OLFM3: variants seen among roughly 807,000 people sequenced by gnomAD.
OLFM3 encodes the protein noelin-3.
A neutral mutation model predicts 48.6 loss-of-function variants in OLFM3; 20 were observed. The ratio of observed to expected loss-of-function variants is 0.41; its 90% confidence interval spans 0.29 to 0.60. The LOEUF is 0.60. OLFM3 is among the 20% of genes least tolerant of loss of function. The probability of loss-of-function intolerance (pLI) is 0.28; values close to 1 mark genes in which losing one functional copy is unlikely to be tolerated. For synonymous variants in OLFM3, 222 were observed against 198.1 expected (o/e 1.12, Z -1.01); for missense variants, 437 against 544.3 (o/e 0.80, Z 1.96).
chr1:101,941,947 C>T (rs763224865), intron 1 of OLFM3, among the ~76,000 whole-genome samples: 16 of 152,302 alleles, frequency 1.1e-4, no homozygotes, highest in South Asian at 4.1e-4. Flanking sequence ...TATTCATCAT[C>T]TCATTTATTA....
chr1:101,819,916 C>T (rs1308932329), intron 4 of OLFM3, among the ~76,000 whole-genome samples: 1 of 151,976 alleles, frequency 6.6e-6, no homozygotes, highest in Non-Finnish European at 1.5e-5. Flanking sequence ...ATAGCACATG[C>T]AAAGCAGCTG....
chr1:101,879,463 T>G (rs1378110071), intron 1 of OLFM3, among the ~76,000 whole-genome samples: 1 of 151,884 alleles, frequency 6.6e-6, no homozygotes, highest in East Asian at 1.9e-4. Context: ...TCATTTCACC[T>G]TCCGTTTGTA....
At chr1:101,954,066 T>C (rs1660221172) in intron 1 of OLFM3, among the ~76,000 whole-genome samples, 1 of 152,134 alleles carries the variant, frequency 6.6e-6, no homozygotes, top group African/African-American at 2.4e-5. Flanking sequence ...AGTTTACTTG[T>C]AGTATAGATT....
chr1:101,983,671 C>T (rs192886629), intron 1 of OLFM3, among the ~76,000 whole-genome samples: 96 of 152,252 alleles, frequency 6.3e-4, no homozygotes, highest in Middle Eastern at 6.8e-3. Context: ...TAATTATATT[C>T]TTCTTTAATA....
At position 101,863,609 on chromosome 1, in the gene OLFM3, C is replaced by G. The variant is rs1182721990; in HGVS notation, c.70-26584G>C. Among the ~76,000 whole-genome samples, 7 of 152,178 alleles carry G rather than the reference C, an allele frequency of 4.6e-5. No individual in the cohort carries two copies. In the East Asian group the frequency reaches 9.6e-4, roughly 21 times the overall value. On this transcript the variant is annotated intron_variant, in intron 1 of 5. Coordinates refer to ENST00000370103, the MANE Select transcript of OLFM3 (RefSeq NM_058170.4). ...GTAGGTTTGTGTGATGAGCCTAGATCAGGAAAGTAAGGACGCTTATTCGTA... is the reference window on the plus strand; with the variant it reads ...GTAGGTTTGTGTGATGAGCCTAGATGAGGAAAGTAAGGACGCTTATTCGTA...
At chr1:101,881,467 A>G (rs1372074438) in intron 1 of OLFM3, among the ~76,000 whole-genome samples, 1 of 151,840 alleles carries the variant, frequency 6.6e-6, no homozygotes, top group East Asian at 1.9e-4. Flanking sequence ...AAGCATTGCC[A>G]GTTCAGTCTT....
At chr1:101,956,151 T>G (rs1450544523) in intron 1 of OLFM3, among the ~76,000 whole-genome samples, 1 of 150,956 alleles carries the variant, frequency 6.6e-6, no homozygotes, top group African/African-American at 2.4e-5. Flanking sequence ...CCTTCACTGT[T>G]ACCAACATTT....
chr1:101,956,731 G>A (rs371845352), intron 1 of OLFM3, among the ~76,000 whole-genome samples: 2 of 151,766 alleles, frequency 1.3e-5, no homozygotes, highest in African/African-American at 4.8e-5. Context: ...TTCTTCAAAT[G>A]TCTGTTTTGA....
chr1:101,806,866 T>C (rs1377135426), intron 4 of OLFM3, among the ~76,000 whole-genome samples: 1 of 151,678 alleles, frequency 6.6e-6, no homozygotes, highest in Non-Finnish European at 1.5e-5. Flanking sequence ...ATGTAATACG[T>C]GACAAAAAGA....
intron 1 of OLFM3, among the ~76,000 whole-genome samples, chr1:101,953,738 T>G (rs983079412): frequency 6.6e-5 from 10 of 152,164 alleles, no homozygotes; most frequent in Non-Finnish European, 1.5e-4. Flanking sequence ...CCTAATATTT[T>G]TACCCTTCAC....
At chr1:101,842,205 T>A (rs1304662128) in intron 1 of OLFM3, among the ~76,000 whole-genome samples, 1 of 151,922 alleles carries the variant, frequency 6.6e-6, no homozygotes, top group Non-Finnish European at 1.5e-5. Flanking sequence ...AAAGCAAAAA[T>A]AATAATAATA....
At chr1:101,952,560 A>ATATGTG (rs1412674767) in intron 1 of OLFM3, among the ~76,000 whole-genome samples, 3 of 152,104 alleles carry the variant, frequency 2.0e-5, no homozygotes, top group Non-Finnish European at 4.4e-5. Flanking sequence ...TAAGACATGC[A>ATATGTG]TATGTGTATA....
intron 1 of OLFM3, among the ~76,000 whole-genome samples, chr1:101,993,859 C>G (rs1234863536): frequency 6.7e-6 from 1 of 149,654 alleles, no homozygotes; most frequent in African/African-American, 2.5e-5. Flanking sequence ...AACCTGAAAA[C>G]AATACTGACT....
At chr1:101,927,327 T>C (rs1049929918) in intron 1 of OLFM3, among the ~76,000 whole-genome samples, 3 of 152,148 alleles carry the variant, frequency 2.0e-5, no homozygotes, top group Admixed American at 6.5e-5. Flanking sequence ...TAATCTAGAA[T>C]ATAGATTTTT....
At chr1:101,990,843 G>T (rs1661378285) in intron 1 of OLFM3, among the ~76,000 whole-genome samples, 12 of 150,806 alleles carry the variant, frequency 8.0e-5, no homozygotes, top group Admixed American at 7.9e-4. Flanking sequence ...AATTAGCCAG[G>T]CATGGTAGCA....
Position 101,995,956 on chromosome 1 carries a change from C to A in OLFM3, c.69+792G>T, listed in dbSNP as rs184027930. Among the ~76,000 whole-genome samples the A allele has an allele frequency of 5.7e-3, 874 of 152,286 alleles. 6 individuals are homozygous for A. The highest frequency in any genetic ancestry group is 0.014 in the Middle Eastern group (4 of 294). ...CTTTGTCATCAAGACTTTTCTCAGA[C>A]ATCGTTGAAAATATTTGTCCATATT... On this transcript the variant is annotated intron_variant, in intron 1 of 5. Coordinates refer to ENST00000370103, the MANE Select transcript of OLFM3 (RefSeq NM_058170.4).
intron 2 of OLFM3, among the ~76,000 whole-genome samples, chr1:101,833,553 G>T (rs1309511673): frequency 6.6e-6 from 1 of 152,152 alleles, no homozygotes; most frequent in African/African-American, 2.4e-5. Flanking sequence ...CTTTCCAGAG[G>T]TGTTTCTGTG....
At chr1:101,840,314 G>A (rs542624064) in intron 1 of OLFM3, among the ~76,000 whole-genome samples, 1 of 152,034 alleles carries the variant, frequency 6.6e-6, no homozygotes, top group Non-Finnish European at 1.5e-5. Context: ...ACTAGGTGGT[G>A]GTATTCTGCC....
chr1:101,983,889 C>A (rs1253540540), intron 1 of OLFM3, among the ~76,000 whole-genome samples: 2 of 152,102 alleles, frequency 1.3e-5, no homozygotes, highest in Non-Finnish European at 2.9e-5. Context: ...CTTGCCATTG[C>A]CTTTGGTAGC....
Sources: allele counts gnomAD v4.1 joint callset (sites outside exome capture counted in the v4.1 genomes callset), GRCh38; gene constraint gnomAD v4.1.1; transcripts MANE v1.5; gene names NCBI Gene and HGNC (gene_info 2026-07-23, HGNC 2026-07-21).